The following NLGN1 variants were observed in gnomAD, a reference collection of about 807,000 sequenced individuals.
NLGN1 encodes the protein neuroligin 1, also known as neuroligin-1.
In NLGN1, 12 loss-of-function variants were observed where a neutral mutation model predicts 65.5. The observed-to-expected ratio is 0.18, with a 90% CI of 0.12 to 0.30. NLGN1 has a LOEUF of 0.30. NLGN1 is among the 10% of genes least tolerant of loss of function. The pLI, the probability that NLGN1 is intolerant of heterozygous loss-of-function variation, is 1.00. For missense variants in NLGN1, 750 were observed against 1,007.1 expected (o/e 0.74, Z 3.46); for synonymous variants, 350 against 359.5 (o/e 0.97, Z 0.30).
chr3:174,113,965 C>T (rs985614791), intron 4 of NLGN1, among the ~76,000 whole-genome samples: 3 of 152,026 alleles, frequency 2.0e-5, no homozygotes, highest in African/African-American at 2.4e-5. Flanking sequence ...ACTTAACTAC[C>T]CCACAGCAGT....
At chr3:173,614,953 A>G (rs1752838493) in intron 3 of NLGN1, among the ~76,000 whole-genome samples, 2 of 152,116 alleles carry the variant, frequency 1.3e-5, no homozygotes, top group Admixed American at 6.6e-5. Context: ...TTGCATTCTG[A>G]GGAGAAAATA....
intron 2 of NLGN1, among the ~76,000 whole-genome samples, chr3:173,554,909 C>T (rs114984274): frequency 0.02 from 3,006 of 152,164 alleles, 36 homozygotes; most frequent in Non-Finnish European, 0.032. Context: ...ATTATCTTGC[C>T]AATATTTGGT....
intron 4 of NLGN1, among the ~76,000 whole-genome samples, chr3:174,134,522 T>C (rs535410087): frequency 6.6e-6 from 1 of 152,318 alleles, no homozygotes; most frequent in African/African-American, 2.4e-5. Flanking sequence ...TGAGATATAC[T>C]GTCCCCTTCC....
At chr3:173,658,981 C>T (rs1760503079) in intron 3 of NLGN1, among the ~76,000 whole-genome samples, 1 of 151,990 alleles carries the variant, frequency 6.6e-6, no homozygotes, top group African/African-American at 2.4e-5. Flanking sequence ...TCTGATGCTT[C>T]TGTGAAGATA....
chr3:174,063,006 A>G, intron 4 of NLGN1, among the ~76,000 whole-genome samples: 1 of 152,128 alleles, frequency 6.6e-6, no homozygotes, highest in East Asian at 1.9e-4. Context: ...AAATTGTTCC[A>G]TACCAGGCTT....
At chr3:173,938,748 T>C (rs1334407658) in intron 4 of NLGN1, among the ~76,000 whole-genome samples, 1 of 152,064 alleles carries the variant, frequency 6.6e-6, no homozygotes, top group East Asian at 1.9e-4. Flanking sequence ...GCCCCCCTCT[T>C]TTCTACTCTG....
intron 4 of NLGN1, among the ~76,000 whole-genome samples, chr3:174,089,794 C>A (rs1387514531): frequency 6.6e-6 from 1 of 152,126 alleles, no homozygotes; most frequent in Non-Finnish European, 1.5e-5. Context: ...AGAAGTAATT[C>A]TCTCACTGAT....
At chr3:173,829,043 G>C (rs1223127772) in intron 4 of NLGN1, among the ~76,000 whole-genome samples, 1 of 152,046 alleles carries the variant, frequency 6.6e-6, no homozygotes, top group Non-Finnish European at 1.5e-5. Flanking sequence ...GTTTGGAGAA[G>C]AGCAAGAATG....
At chr3:173,984,185 A>T (rs913991800) in intron 4 of NLGN1, among the ~76,000 whole-genome samples, 1 of 152,200 alleles carries the variant, frequency 6.6e-6, no homozygotes, top group Non-Finnish European at 1.5e-5. Context: ...ACCCTGTGAC[A>T]ATGTGAAAGT....
At chr3:173,489,913 T>C (rs546563571) in intron 2 of NLGN1, among the ~76,000 whole-genome samples, 8 of 152,168 alleles carry the variant, frequency 5.3e-5, no homozygotes, top group East Asian at 3.9e-4. Context: ...ATATCCTTTG[T>C]CCACTTTTTG....
At chr3:173,594,972 G>T (rs1749203631) in intron 2 of NLGN1, among the ~76,000 whole-genome samples, 1 of 152,136 alleles carries the variant, frequency 6.6e-6, no homozygotes, top group South Asian at 2.1e-4. Context: ...GGGACCCTGA[G>T]CCTGGCCCAC....
chr3:174,106,433 CA>C (rs1713820105), intron 4 of NLGN1, among the ~76,000 whole-genome samples: 2 of 151,878 alleles, frequency 1.3e-5, no homozygotes, highest in South Asian at 2.1e-4. Context: ...CAGGCTTCCT[CA>C]AAAAAATATT....
intron 3 of NLGN1, among the ~76,000 whole-genome samples, chr3:173,658,485 AT>A (rs1291086075): frequency 6.6e-6 from 1 of 152,022 alleles, no homozygotes; most frequent in Non-Finnish European, 1.5e-5. Flanking sequence ...CCTACTTCTA[AT>A]CTTTATATTG....
intron 4 of NLGN1, among the ~76,000 whole-genome samples, chr3:174,222,458 C>T (rs1394584287): frequency 2.0e-5 from 3 of 152,166 alleles, no homozygotes; most frequent in African/African-American, 7.2e-5. Context: ...CTTTTATCCC[C>T]ACCACAAATC....
At chr3:173,463,540 T>G (rs1723757009) in intron 2 of NLGN1, among the ~76,000 whole-genome samples, 2 of 152,208 alleles carry the variant, frequency 1.3e-5, no homozygotes, top group African/African-American at 4.8e-5. Flanking sequence ...TTATTAATAC[T>G]GTTATTGTCA....
chr3:173,795,222 G>A (rs12497176), intron 3 of NLGN1, among the ~76,000 whole-genome samples: 6,379 of 152,054 alleles, frequency 0.042, 437 homozygotes, highest in East Asian at 0.33. Context: ...CACTGATATG[G>A]ATTCTTTTTT....
chr3:174,242,871 G>GTGCCAAAAATGTTGGCGACCAC lies in NLGN1; in HGVS notation c.647-32438_647-32417dup, dbSNP rs566550285. 9.5e-4 allele frequency among the ~76,000 whole-genome samples: 144 copies of GTGCCAAAAATGTTGGCGACCAC among 152,130 alleles called. 3 individuals carry two copies. In the South Asian group the frequency reaches 0.023, roughly 25 times the overall value. On this transcript the variant is annotated intron_variant, in intron 4 of 6. Coordinates refer to ENST00000457714, the Ensembl canonical transcript of NLGN1. ...CCAGTGCCAAAAATGTTGGCGACCAGTGCCAAAAATGTTGGCGACCACTGC... is the reference window on the plus strand; with the variant it reads ...CCAGTGCCAAAAATGTTGGCGACCAGTGCCAAAAATGTTGGCGACCACTGCCAAAAATGTTGGCGACCACTGC...
At chr3:173,766,683 C>T (rs1468255550) in intron 3 of NLGN1, among the ~76,000 whole-genome samples, 1 of 152,068 alleles carries the variant, frequency 6.6e-6, no homozygotes, top group Admixed American at 6.5e-5. Flanking sequence ...ATTGAATTAT[C>T]CTAATTGTTA....
At chr3:173,638,767 C>T (rs755620521) in intron 3 of NLGN1, among the ~76,000 whole-genome samples, 1 of 152,142 alleles carries the variant, frequency 6.6e-6, no homozygotes, top group Non-Finnish European at 1.5e-5. Flanking sequence ...TCTGGTTACA[C>T]AGTGTTTTTC....
Sources: gnomAD v4.1 joint callset for allele counts (sites outside exome capture counted in the v4.1 genomes callset) on GRCh38, gnomAD v4.1.1 for gene constraint, MANE v1.5 for transcripts, NCBI Gene and HGNC (gene_info 2026-07-23, HGNC 2026-07-21) for gene names.